Variants in USP4 observed in about 807,000 individuals in gnomAD.
USP4 encodes ubiquitin carboxyl-terminal hydrolase 4.
USP4 carries 72 observed loss-of-function variants against 118.2 expected under a neutral mutation model. The ratio of observed to expected loss-of-function variants is 0.61; its 90% CI spans 0.50 to 0.74. The LOEUF (loss-of-function observed/expected upper bound fraction) is 0.74. Among genes scored for constraint, USP4 ranks in the 30% least tolerant of loss-of-function variants. The pLI is 0.00. For synonymous variants in USP4, 415 were observed against 440.4 expected (o/e 0.94, Z 0.72); for missense variants, 1,037 against 1,185.7 (o/e 0.87, Z 1.84).
intron 18 of USP4, 22 bp downstream of exon 18, chr3:49,284,444 C>G: frequency 6.2e-7 from 1 of 1,600,706 alleles, no homozygotes; most frequent in Non-Finnish European, 8.6e-7. Flanking sequence ...GGCCTCTGCC[C>G]AGACAGTGAG....
chr3:49,311,562 C>A lies in USP4; in HGVS notation c.788G>T (p.Gly263Val), dbSNP rs1321665441. Residue 263 changes from glycine (G) to valine (V), a missense_variant, in exon 7 of 22, where the codon GGT becomes GTT. Gly to Val is a moderately radical substitution (Grantham distance 109). Around this residue, in one of 3 missense-constraint regions of USP4, gnomAD observed 487 missense variants for 534.1 expected, o/e 0.91. Transcript: ENST00000265560. Reference protein sequence around the residue: ...SSVSASLIANGDSTSTCGMHS... With the variant: ...SSVSASLIANVDSTSTCGMHS... ...CATCCCACAGGTGCTAGTGCTATCA[C>A]CATTTGCAATGAGAGAGGCAGACAC... is the stretch of plus-strand genomic sequence containing the variant. 14 of 1,613,858 alleles carry A rather than the reference C, an allele frequency of 8.7e-6. No homozygotes were observed. Among genetic ancestry groups the A allele is most frequent in the Non-Finnish European group, 1.1e-5 (13 of 1,179,946 alleles).
chr3:49,295,530 G>T (rs2047195553), intron 13 of USP4, among the ~76,000 whole-genome samples: 1 of 151,978 alleles, frequency 6.6e-6, no homozygotes, highest in Non-Finnish European at 1.5e-5. Flanking sequence ...CAATGATTTT[G>T]AAAAATGTGT....
At chr3:49,316,788 C>T (rs1157018828) in intron 6 of USP4, 1 of 483,366 alleles carries the variant, frequency 2.1e-6, no homozygotes, top group Non-Finnish European at 3.7e-6. Flanking sequence ...CCATGGTGCT[C>T]AGACTACAAC....
chr3:49,305,938 A>G, intron 8 of USP4, 50 bp from the exon 9 acceptor site: 2 of 1,511,344 alleles, frequency 1.3e-6, no homozygotes, highest in Non-Finnish European at 1.8e-6. Context: ...ACAGTACCAG[A>G]GATACAAGAT....
intron 10 of USP4, among the ~76,000 whole-genome samples, chr3:49,301,781 C>T (rs955364147): frequency 1.3e-5 from 2 of 152,138 alleles, no homozygotes; most frequent in Non-Finnish European, 2.9e-5. Flanking sequence ...CTAAATTTTA[C>T]TTTAAAGCAT....
chr3:49,316,454 G>A (rs919475191), intron 6 of USP4, among the ~76,000 whole-genome samples: 1 of 151,894 alleles, frequency 6.6e-6, no homozygotes, highest in Admixed American at 6.6e-5. Context: ...CGAGTAGCTG[G>A]AATTACAGGT....
In USP4 at chr3:49,300,785, G is replaced by A. The variant is rs572026007; in HGVS notation, c.1288-94C>T. 1.0e-5 allele frequency: 12 copies of A among 1,159,968 alleles called. No individual in the cohort carries two copies. In the African/African-American group the frequency reaches 1.7e-4, roughly 16 times the overall value. The allele number at this position is 1,159,968 out of a possible 1,614,324, so 71.9% of individuals were successfully genotyped here. ...TCACAGCAAACCTGGAGATGAATCA[G>A]GTGGCAATCTGTACAGCCAAGAGCT... On this transcript the variant is annotated intron_variant, in intron 10 of 21. Coordinates refer to ENST00000265560, the MANE Select transcript of USP4 (RefSeq NM_003363.4).
At chr3:49,321,770 G>C (rs1180599943) in intron 6 of USP4, among the ~76,000 whole-genome samples, 2 of 150,980 alleles carry the variant, frequency 1.3e-5, no homozygotes, top group Non-Finnish European at 3.0e-5. Context: ...GAGGCAGGCG[G>C]ATCACTTGAG....
intron 6 of USP4, 67 bp downstream of exon 6, chr3:49,324,635 C>G: frequency 7.0e-7 from 1 of 1,434,034 alleles, no homozygotes; most frequent in South Asian, 1.1e-5. Flanking sequence ...AGTACAAGTA[C>G]TGCCTTAGGA....
chr3:49,330,493 A>G (rs2047605335), intron 2 of USP4, among the ~76,000 whole-genome samples: 1 of 151,562 alleles, frequency 6.6e-6, no homozygotes, highest in African/African-American at 2.4e-5. Context: ...ACACCCGGTT[A>G]ATTTTGTTTT....
intron 8 of USP4, among the ~76,000 whole-genome samples, chr3:49,308,967 G>A (rs2047350622): frequency 6.6e-6 from 1 of 150,940 alleles, no homozygotes; most frequent in South Asian, 2.1e-4. Flanking sequence ...AGGAGGTGGA[G>A]GTTGCAGTGC....
At chr3:49,309,033 CAAAA>C (rs35731425) in intron 8 of USP4, among the ~76,000 whole-genome samples, 4 of 69,644 alleles carry the variant, frequency 5.7e-5, no homozygotes, top group Admixed American at 1.7e-4. Context: ...GATGCTGTCT[CAAAA>C]AAAAAAAAAA....
At chr3:49,334,222 A>T (rs2047647206) in intron 2 of USP4, among the ~76,000 whole-genome samples, 1 of 152,234 alleles carries the variant, frequency 6.6e-6, no homozygotes. Context: ...TCTGCAACAT[A>T]TAATAAAGCA....
intron 6 of USP4, 173 bp from the exon 7 acceptor site, chr3:49,311,827 C>T (rs1299686089): frequency 3.0e-6 from 4 of 1,317,648 alleles, no homozygotes; most frequent in Non-Finnish European, 3.9e-6. Context: ...TGAGAGTCCA[C>T]AAATTAACTG....
intron 10 of USP4, 40 bp from the exon 11 acceptor site, chr3:49,300,731 C>T: frequency 6.3e-7 from 1 of 1,584,152 alleles, no homozygotes; most frequent in Non-Finnish European, 8.6e-7. Flanking sequence ...CAACACCTCT[C>T]AGCCCCTTGC....
rs756649895 is a variant in USP4 at position 49,278,122 on chromosome 3, T to G, written c.*171A>C. 4.8e-5 allele frequency: 35 copies of G among 733,022 alleles called. No homozygotes were observed. The highest frequency in any genetic ancestry group is 4.3e-4 in the Middle Eastern group (1 of 2,336). 45.4% of individuals were successfully genotyped at this position (733,022 alleles called of 1,614,324 possible). ...AATAATTCAGCCTCTTGACATAGCT[T>G]CTTCTAGGTAAACGGTCTTCTTTTT... On this transcript the variant is annotated 3_prime_UTR_variant, in exon 22 of 22. Coordinates refer to ENST00000265560, the MANE Select transcript of USP4 (RefSeq NM_003363.4).
intron 13 of USP4, among the ~76,000 whole-genome samples, chr3:49,295,935 T>C (rs1388659615): frequency 6.6e-6 from 1 of 152,188 alleles, no homozygotes; most frequent in Non-Finnish European, 1.5e-5. Flanking sequence ...AATAAGCACC[T>C]AACTTCTTAG....
At chr3:49,330,328 G>C (rs2047602340) in intron 2 of USP4, among the ~76,000 whole-genome samples, 2 of 151,572 alleles carry the variant, frequency 1.3e-5, no homozygotes, top group African/African-American at 4.9e-5. Flanking sequence ...TTGCAATGGA[G>C]CAGTAACTTT....
intron 13 of USP4, among the ~76,000 whole-genome samples, chr3:49,295,099 C>T (rs191900733): frequency 2.6e-5 from 4 of 152,042 alleles, no homozygotes; most frequent in African/African-American, 4.8e-5. Flanking sequence ...ACCATCCTGG[C>T]TAACACGGTG....
Sources: gnomAD v4.1 joint callset for allele counts (sites outside exome capture counted in the v4.1 genomes callset) on GRCh38, gnomAD v4.1.1 for gene constraint, gnomAD v4.1.1 regional missense constraint, MANE v1.5 for transcripts, NCBI Gene and HGNC (gene_info 2026-07-23, HGNC 2026-07-21) for gene names.